Variants in TIAM2 observed in about 807,000 individuals in gnomAD.
The protein encoded by TIAM2 is TIAM Rac1 associated GEF 2, also known as rho guanine nucleotide exchange factor TIAM2.
A neutral mutation model predicts 152.9 loss-of-function variants in TIAM2; 80 were observed. The ratio of observed to expected loss-of-function variants is 0.52; its 90% CI spans 0.44 to 0.63. TIAM2 has a LOEUF of 0.63. TIAM2 is among the 30% of genes least tolerant of loss of function. TIAM2 has a pLI of 0.00. For synonymous variants in TIAM2, 804 were observed against 838.0 expected (o/e 0.96, Z 0.70); for missense variants, 1,965 against 2,120.1 (o/e 0.93, Z 1.44).
intron 2 of TIAM2, among the ~76,000 whole-genome samples, chr6:155,103,941 CTATTTTAG>C (rs964498953): frequency 1.0e-4 from 15 of 150,508 alleles, no homozygotes; most frequent in African/African-American, 3.7e-4. Context: ...TTTATTTTAC[CTATTTTAG>C]TAACAGAAAT....
rs765148131 is a variant in TIAM2, at chr6:155,252,027, T to G, written c.4119+24T>G. The stretch of plus-strand genomic sequence containing the variant: ...TGGTAAGGCAAAAATTCATTTTAAT[T>G]TAAGCTACCTTTTCATAGCTGTATC... On this transcript the variant is annotated intron_variant, in intron 23 of 26. Transcript: ENST00000682666. 6.4e-7 allele frequency: 1 copy of G among 1,565,478 alleles called. No homozygotes were observed. Among genetic ancestry groups the G allele is most frequent in the Middle Eastern group, 1.7e-4 (1 of 5,952 alleles).
intron 1 of TIAM2, among the ~76,000 whole-genome samples, chr6:155,070,985 A>C (rs1451901966): frequency 6.6e-6 from 1 of 152,190 alleles, no homozygotes; most frequent in Non-Finnish European, 1.5e-5. Context: ...CAGCCTGGGC[A>C]ACATGGCAAA....
intron 15 of TIAM2, among the ~76,000 whole-genome samples, chr6:155,229,045 T>C (rs1458052126): frequency 6.6e-6 from 1 of 152,234 alleles, no homozygotes; most frequent in African/African-American, 2.4e-5. Context: ...AGACAGCGGG[T>C]GGCCACTGCC....
At chr6:155,249,348 G>C (rs1783517973) in intron 20 of TIAM2, among the ~76,000 whole-genome samples, 1 of 152,198 alleles carries the variant, frequency 6.6e-6, no homozygotes, top group South Asian at 2.1e-4. Flanking sequence ...CTAGATCCGG[G>C]TTCCCAGAAG....
intron 16 of TIAM2, among the ~76,000 whole-genome samples, chr6:155,243,197 T>C (rs1251724175): frequency 6.6e-6 from 1 of 152,190 alleles, no homozygotes; most frequent in African/African-American, 2.4e-5. Context: ...GAGTTTTTTA[T>C]TGCCTTTGAA....
chr6:155,016,181 A>G (rs905189979), intron 1 of TIAM2: 2 of 152,164 alleles, frequency 1.3e-5, no homozygotes. Flanking sequence ...TCCCATAGAA[A>G]TAAAAGCAGC....
chr6:155,152,417 C>T (rs3805832), intron 7 of TIAM2, among the ~76,000 whole-genome samples: 9,730 of 152,186 alleles, frequency 0.064, 433 homozygotes, highest in East Asian at 0.25. Context: ...AGCCAGGGGG[C>T]GTTCAGCTCC....
chr6:155,091,645 C>A (rs930828187), intron 2 of TIAM2, among the ~76,000 whole-genome samples: 2 of 152,070 alleles, frequency 1.3e-5, no homozygotes, highest in African/African-American at 4.8e-5. Flanking sequence ...CATATTAAAG[C>A]TAGAAATTTT....
At chr6:155,183,091 G>T in intron 13 of TIAM2, 146 bp from the exon 14 acceptor site, 2 of 1,019,518 alleles carry the variant, frequency 2.0e-6, no homozygotes, top group Non-Finnish European at 2.8e-6. Context: ...CTGCCACTGT[G>T]CCTGGCTGGC....
chr6:155,111,576 T>C (rs987800291), intron 2 of TIAM2, among the ~76,000 whole-genome samples: 18 of 152,272 alleles, frequency 1.2e-4, no homozygotes, highest in East Asian at 7.7e-4. Context: ...CCCTACTGCA[T>C]GTATGTGATG....
chr6:155,256,021 G>GC lies in TIAM2; in HGVS notation c.4469-463_4469-462insC, dbSNP rs1463256728. On this transcript the variant is annotated intron_variant, in intron 26 of 26. Coordinates refer to ENST00000682666, the MANE Select transcript of TIAM2 (RefSeq NM_012454.4). ...CAAGACACTGTCTTTAAAAAAAAAG[G>GC]GGGGGGGAGGGGCATTTTCTACTTT... The GC allele has an allele frequency of 3.8e-3, 749 of 196,328 alleles. 5 individuals are homozygous for GC. Among genetic ancestry groups the GC allele is most frequent in the African/African-American group, 0.019 (700 of 37,324 alleles). The allele number at this position is 196,328 out of a possible 1,614,324, so 12.2% of individuals were successfully genotyped here.
intron 17 of TIAM2, 84 bp from the exon 18 acceptor site, chr6:155,244,574 G>T: frequency 6.8e-7 from 1 of 1,478,570 alleles, no homozygotes; most frequent in South Asian, 1.3e-5. Context: ...ATTTCCTTGT[G>T]ATTTATTTGT....
intron 15 of TIAM2, among the ~76,000 whole-genome samples, chr6:155,234,010 G>T (rs1243909837): frequency 4.0e-5 from 6 of 150,990 alleles, no homozygotes; most frequent in Non-Finnish European, 7.4e-5. Context: ...TTTTGGGGGG[G>T]GGTTGGGGTT....
At chr6:155,065,278 T>C (rs111684154) in intron 1 of TIAM2, among the ~76,000 whole-genome samples, 75 of 152,220 alleles carry the variant, frequency 4.9e-4, no homozygotes, top group African/African-American at 1.7e-3. Flanking sequence ...AAACCATTGA[T>C]TTCTAGTTGT....
At chr6:155,088,059 T>C (rs1410234587) in intron 1 of TIAM2, among the ~76,000 whole-genome samples, 3 of 148,824 alleles carry the variant, frequency 2.0e-5, no homozygotes, top group African/African-American at 4.9e-5. Context: ...TTTCTTTTTT[T>C]TTTTTTTTTT....
chr6:155,077,852 G>A (rs1487275432), intron 1 of TIAM2, among the ~76,000 whole-genome samples: 2 of 152,212 alleles, frequency 1.3e-5, no homozygotes, highest in Admixed American at 1.3e-4. Context: ...GGGTTTGCCT[G>A]TAGCGCCTCA....
At chr6:155,183,145 A>G in intron 13 of TIAM2, 92 bp from the exon 14 acceptor site, 1 of 1,484,112 alleles carries the variant, frequency 6.7e-7, no homozygotes, top group Non-Finnish European at 9.1e-7. Flanking sequence ...CCCTACGAGT[A>G]CATGGTTTGA....
intron 7 of TIAM2, among the ~76,000 whole-genome samples, chr6:155,152,011 A>G (rs988886178): frequency 1.3e-5 from 2 of 151,468 alleles, no homozygotes; most frequent in African/African-American, 4.8e-5. Flanking sequence ...CGCCCGGCTA[A>G]TTTTGTATTT....
intron 1 of TIAM2, among the ~76,000 whole-genome samples, chr6:155,076,151 TC>T (rs1230013200): frequency 1.3e-5 from 2 of 152,240 alleles, no homozygotes; most frequent in East Asian, 3.9e-4. Context: ...AAGTTTCAGA[TC>T]CTTCATAATA....
Sources: allele counts gnomAD v4.1 joint callset (sites outside exome capture counted in the v4.1 genomes callset), GRCh38; gene constraint gnomAD v4.1.1; transcripts MANE v1.5; gene names NCBI Gene and HGNC (gene_info 2026-07-23, HGNC 2026-07-21).